VPS13D: variants seen among roughly 807,000 people sequenced by gnomAD.
VPS13D encodes intermembrane lipid transfer protein VPS13D.
In VPS13D, 187 loss-of-function variants were observed where a neutral mutation model predicts 461.9. The ratio of observed to expected loss-of-function variants is 0.40; its 90% CI spans 0.36 to 0.46. The LOEUF is 0.46. Ranked by LOEUF, VPS13D falls within the 20% of genes least tolerant of loss-of-function variation. The pLI is 0.60. For missense variants in VPS13D, 4,711 were observed against 5,364.9 expected, an observed-to-expected ratio of 0.88 and a Z score of 3.81; for synonymous variants, 1,951 against 1,986.3, an observed-to-expected ratio of 0.98 and a Z score of 0.47.
chr1:12,472,957 T>G (rs1645581736), intron 67 of VPS13D, among the ~76,000 whole-genome samples: 1 of 152,196 alleles, frequency 6.6e-6, no homozygotes, highest in African/African-American at 2.4e-5. Context: ...CAGCCCCTGC[T>G]TTGAGTCTGG....
In VPS13D at chr1:12,258,023, C is replaced by T; in HGVS notation, c.1030C>T (p.His344Tyr). ...ACGTTGCACCTGGGACTTTATGTTG[C>T]ACCGCGCTCGTGATGCTGTATCTTA... ...RKRCTWDFML[H>Y]RARDAVSYTD... is the part of the protein sequence containing the mutation. Residue 344 changes from histidine (H) to tyrosine (Y), a missense_variant, in exon 10 of 70, where the codon CAC (histidine) becomes TAC (tyrosine). Transcript: ENST00000620676. The T allele has an allele frequency of 6.2e-7, 1 of 1,614,178 alleles. No homozygotes were observed. The highest frequency in any genetic ancestry group is 8.5e-7 in the Non-Finnish European group (1 of 1,180,036).
chr1:12,440,054 A>G lies in VPS13D; in HGVS notation c.12334-15944A>G, dbSNP rs137989274. 1.8e-4 allele frequency among the ~76,000 whole-genome samples: 27 copies of G among 152,336 alleles called. No individual in the cohort carries two copies. In the East Asian group the frequency reaches 5.2e-3, roughly 29 times the overall value. On this transcript the variant is annotated intron_variant, in intron 65 of 69. Coordinates refer to ENST00000620676, the MANE Select transcript of VPS13D (RefSeq NM_015378.4). Reference sequence around the variant, plus strand: ...GTTTTAAAGGGAATACTGCATTAGAATCTCTTAGCTCCCTAGATGCTGCCT... The same window carrying G: ...GTTTTAAAGGGAATACTGCATTAGAGTCTCTTAGCTCCCTAGATGCTGCCT...
chr1:12,434,875 T>G (rs1171400045), intron 65 of VPS13D, among the ~76,000 whole-genome samples: 2 of 152,216 alleles, frequency 1.3e-5, no homozygotes, highest in African/African-American at 4.8e-5. Context: ...GTTGGTGGGT[T>G]TGTTTTTGTC....
Position 12,342,926 on chromosome 1 carries a change from A to C in VPS13D, c.8760A>C (p.Pro2920=). The stretch of plus-strand genomic sequence containing the variant: ...CTGCACTCTCTCACAGTGGGAGTCC[A>C]GGGGTAGTTCCAGAAGGGAACGGAA... ...TRAALSHSGS[P]GVVPEGNGTF... The change falls in exon 42 of 70, where the codon CCA becomes CCC. Residue 2920 remains proline (P), a synonymous_variant. Coordinates refer to ENST00000620676, the MANE Select transcript of VPS13D (RefSeq NM_015378.4). 1 of 1,613,598 alleles carries C rather than the reference A, an allele frequency of 6.2e-7. No individual in the cohort carries two copies. Among genetic ancestry groups the C allele is most frequent in the Non-Finnish European group, 8.5e-7 (1 of 1,179,568 alleles).
chr1:12,266,378 T>G (rs1641268663), intron 13 of VPS13D, among the ~76,000 whole-genome samples: 1 of 152,204 alleles, frequency 6.6e-6, no homozygotes, highest in Non-Finnish European at 1.5e-5. Context: ...TTCGTTGTTG[T>G]CTTATTTTAA....
chr1:12,339,564 T>G (rs1643523860), intron 40 of VPS13D, among the ~76,000 whole-genome samples: 1 of 152,198 alleles, frequency 6.6e-6, no homozygotes, highest in Non-Finnish European at 1.5e-5. Context: ...TAGGGGCAGA[T>G]TTTCTGAGGC....
intron 65 of VPS13D, among the ~76,000 whole-genome samples, chr1:12,434,639 A>G (rs977827461): frequency 3.9e-5 from 6 of 152,022 alleles, no homozygotes; most frequent in African/African-American, 1.4e-4. Context: ...TATAGGCCTC[A>G]GGTATGTTTA....
chr1:12,414,668 A>C (rs1348089980), intron 63 of VPS13D, among the ~76,000 whole-genome samples: 1 of 152,172 alleles, frequency 6.6e-6, no homozygotes, highest in Non-Finnish European at 1.5e-5. Context: ...GATGGGGATA[A>C]CAGTCTGCTT....
chr1:12,411,450 T>C (rs370958867), intron 63 of VPS13D, among the ~76,000 whole-genome samples: 1 of 141,476 alleles, frequency 7.1e-6, no homozygotes, highest in African/African-American at 2.7e-5. Context: ...CTGGGCATCA[T>C]AGGGAGACCC....
rs571503565 is a variant in VPS13D at position 12,373,095 on chromosome 1, G to GTTTTTTTTTTTTTT, written c.10809-641_10809-628dup. Among the ~76,000 whole-genome samples the GTTTTTTTTTTTTTT allele has an allele frequency of 7.8e-4, 29 of 37,234 alleles. 4 individuals are homozygous for GTTTTTTTTTTTTTT. Among genetic ancestry groups the GTTTTTTTTTTTTTT allele is most frequent in the Admixed American group, 1.8e-3 (5 of 2,722 alleles). The allele number at this position is 37,234 out of a possible 152,430, so 24.4% of individuals were successfully genotyped here. On this transcript the variant is annotated intron_variant, in intron 54 of 69. Transcript: ENST00000620676. ...TTGGTCCCTTGAATTGTCTGGCTTGGTTTTTTTTTTTTTTTTTTTTTTTTT... is the reference window on the plus strand; with the variant it reads ...TTGGTCCCTTGAATTGTCTGGCTTGGTTTTTTTTTTTTTTTTTTTTTTTTTTTTTTTTTTTTTTT...
Position 12,277,631 on chromosome 1 carries a change from A to G in VPS13D, c.4043A>G (p.Lys1348Arg). ...EMVSLFETPRKTREPFILEEN... is the reference protein window; with the variant it reads ...EMVSLFETPRRTREPFILEEN... Reference sequence around the variant, plus strand: ...GTATCGCTCTTTGAAACTCCAAGGAAGACTCGGGAACCCTTTATCTTAGAG... The same window carrying G: ...GTATCGCTCTTTGAAACTCCAAGGAGGACTCGGGAACCCTTTATCTTAGAG... Residue 1348 changes from lysine (K) to arginine (R), a missense_variant, in exon 19 of 70, where the codon AAG (lysine) becomes AGG (arginine). Transcript: ENST00000620676. 1 of 1,614,058 alleles carries G rather than the reference A, an allele frequency of 6.2e-7. No homozygotes were observed. Among genetic ancestry groups the G allele is most frequent in the Non-Finnish European group, 8.5e-7 (1 of 1,180,006 alleles).
intron 52 of VPS13D, among the ~76,000 whole-genome samples, chr1:12,363,978 A>AC (rs1643992774): frequency 1.3e-5 from 2 of 149,094 alleles, no homozygotes; most frequent in South Asian, 2.2e-4. Flanking sequence ...AAAAAAAAAA[A>AC]AATCAGCCTT....
chr1:12,277,764 G>C lies in VPS13D; in HGVS notation c.4176G>C (p.Pro1392=). 6.2e-7 allele frequency: 1 copy of C among 1,614,190 alleles called. No individual in the cohort carries two copies. The highest frequency in any genetic ancestry group is 8.5e-7 in the Non-Finnish European group (1 of 1,180,030). Residue 1392 remains proline, a synonymous_variant, in exon 19 of 70, where the codon CCG becomes CCC. Transcript: ENST00000620676. ...ESPVVSIPRK[P]GSPELLVGHL... is the part of the protein sequence containing the mutation. ...CAGTTGTTTCTATCCCTCGGAAGCC[G>C]GGGAGTCCTGAGTTGTTGGTGGGAC... is the stretch of plus-strand genomic sequence containing the variant.
At chr1:12,413,756 G>A (rs1182163499) in intron 63 of VPS13D, among the ~76,000 whole-genome samples, 1 of 151,250 alleles carries the variant, frequency 6.6e-6, no homozygotes, top group Non-Finnish European at 1.5e-5. Context: ...ACAGGCATGA[G>A]CCACCACTCC....
chr1:12,403,084 C>T (rs959001613), intron 62 of VPS13D, among the ~76,000 whole-genome samples: 4 of 152,224 alleles, frequency 2.6e-5, no homozygotes, highest in African/African-American at 7.2e-5. Flanking sequence ...TAGCTTACAA[C>T]ATAAATGTGT....
intron 26 of VPS13D, among the ~76,000 whole-genome samples, chr1:12,308,195 G>A (rs1226332386): frequency 5.3e-5 from 8 of 152,120 alleles, no homozygotes; most frequent in Non-Finnish European, 1.2e-4. Flanking sequence ...TCTGTGCTTG[G>A]AGTGGAGGCG....
intron 14 of VPS13D, among the ~76,000 whole-genome samples, chr1:12,267,414 A>G (rs1641306653): frequency 6.6e-6 from 1 of 152,192 alleles, no homozygotes; most frequent in Admixed American, 6.5e-5. Flanking sequence ...TGTAATTTTT[A>G]AAATATAATA....
intron 39 of VPS13D, 118 bp from the exon 40 acceptor site, chr1:12,338,113 T>G (rs966585694): frequency 2.0e-5 from 18 of 883,506 alleles, no homozygotes; most frequent in Non-Finnish European, 3.3e-5. Flanking sequence ...GACTCTGTAC[T>G]TGCATGATGC....
In VPS13D at chr1:12,403,876, G is replaced by A; in HGVS notation, c.11933G>A (p.Gly3978Glu). The A allele has an allele frequency of 1.9e-6, 3 of 1,612,508 alleles. No individual in the cohort carries two copies. The highest frequency in any genetic ancestry group is 1.3e-5 in the African/African-American group (1 of 74,922). The change falls in exon 63 of 70, where the codon GGA becomes GAA. Residue 3978 changes from glycine to glutamate, a missense_variant. This residue lies in a region of VPS13D where 4,411 missense variants were observed against 4,937.8 expected (regional missense o/e 0.89). Coordinates refer to ENST00000620676, the MANE Select transcript of VPS13D (RefSeq NM_015378.4). ...CATGAAAAGACAGCTGAGCAAGGTG[G>A]AACACCAATTCGATACTACTTTGAA... ...NLHEKTAEQG[G>E]TPIRYYFENL...
Sources: allele counts gnomAD v4.1 joint callset (sites outside exome capture counted in the v4.1 genomes callset), GRCh38; gene constraint gnomAD v4.1.1; regional missense constraint gnomAD v4.1.1; transcripts MANE v1.5; gene names NCBI Gene and HGNC (gene_info 2026-07-23, HGNC 2026-07-21).